The following RYR3 variants were observed in gnomAD, a reference collection of about 807,000 sequenced individuals.
RYR3 encodes the protein ryanodine receptor 3.
Under a neutral mutation model 584.3 loss-of-function variants are expected in RYR3, and 207 were observed. The observed-to-expected ratio is 0.35, with a 90% CI of 0.32 to 0.40. The LOEUF (loss-of-function observed/expected upper bound fraction) is 0.40, where lower values mean the gene tolerates loss of function less well. Ranked by LOEUF, RYR3 falls within the 10% of genes least tolerant of loss-of-function variation. RYR3 has a pLI of 1.00. For missense variants in RYR3, 5,616 were observed against 6,089.2 expected (o/e 0.92, Z 2.59); for synonymous variants, 2,416 against 2,248.5 (o/e 1.07, Z -2.11).
chr15:33,826,123 A>C, intron 82 of RYR3, 129 bp from the exon 83 acceptor site: 1 of 858,784 alleles, frequency 1.2e-6, no homozygotes, highest in Non-Finnish European at 1.9e-6. Context: ...AAATGCTTCC[A>C]TCGGTAGCTT....
At chr15:33,430,262 C>A (rs79506235) in intron 1 of RYR3, among the ~76,000 whole-genome samples, 3 of 152,156 alleles carry the variant, frequency 2.0e-5, no homozygotes, top group African/African-American at 4.8e-5. Flanking sequence ...GCTTAGGATC[C>A]GAACTCCCTG....
intron 100 of RYR3, 59 bp from the exon 101 acceptor site, chr15:33,860,536 C>A: frequency 2.0e-6 from 2 of 983,218 alleles, no homozygotes; most frequent in Non-Finnish European, 1.5e-6. Context: ...CTTCCTTTAT[C>A]ATTCCTCTAC....
At position 33,311,729 on chromosome 15, in the gene RYR3, T is replaced by TCCTGGCTCC. The variant is rs1373767345; in HGVS notation, c.51+634_51+635insCTGGCTCCC. Among the ~76,000 whole-genome samples the TCCTGGCTCC allele has an allele frequency of 1.3e-5, 2 of 152,216 alleles. No homozygotes were observed. The highest frequency in any genetic ancestry group is 2.9e-5 in the Non-Finnish European group (2 of 68,034). On this transcript the variant is annotated intron_variant, in intron 1 of 103. Transcript: ENST00000634891. This position sits in a 1 kb window ranked among gnomAD's most constrained non-coding sequence, Gnocchi z 4.4. ...ACTTGACTGACTGCCTGTCGTGTGT[T>TCCTGGCTCC]CGAGAGCTGTGGCTTCTGCTCCTGG...
chr15:33,465,989 T>G (rs2048457775), intron 1 of RYR3, among the ~76,000 whole-genome samples: 1 of 152,116 alleles, frequency 6.6e-6, no homozygotes. Flanking sequence ...AAAGAACATA[T>G]GTGGGGAGAT....
intron 1 of RYR3, among the ~76,000 whole-genome samples, chr15:33,338,225 G>A (rs1333693479): frequency 2.0e-5 from 3 of 152,100 alleles, no homozygotes; most frequent in African/African-American, 4.8e-5. Flanking sequence ...GATTACAGGC[G>A]TGAGCCACCG....
chr15:33,810,807 G>A (rs900080049), intron 71 of RYR3, 158 bp downstream of exon 71: 8 of 1,087,850 alleles, frequency 7.4e-6, no homozygotes, highest in Middle Eastern at 2.1e-4. Context: ...TTTAAAACTG[G>A]TTTGGAAGTC....
intron 21 of RYR3, among the ~76,000 whole-genome samples, chr15:33,628,817 G>GA (rs927443148): frequency 1.3e-5 from 2 of 152,082 alleles, no homozygotes; most frequent in African/African-American, 2.4e-5. Flanking sequence ...CTCTCCTTCA[G>GA]AAAAAAAGTT....
chr15:33,823,631 T>A (rs2077222623), intron 81 of RYR3, among the ~76,000 whole-genome samples: 1 of 152,176 alleles, frequency 6.6e-6, no homozygotes, highest in South Asian at 2.1e-4. Flanking sequence ...CTTTGAACTT[T>A]CCATTCATAT....
In RYR3 at chr15:33,633,128, G is replaced by C. The variant is rs1436130021; in HGVS notation, c.3027+20G>C. ...CAACAGGTAAGAAATTCTGGGTCAG[G>C]CATGCTGGAAAACTTAGAAGATATG... is the stretch of plus-strand genomic sequence containing the variant. On this transcript the variant is annotated intron_variant, in intron 24 of 103. Coordinates refer to ENST00000634891, the MANE Select transcript of RYR3 (RefSeq NM_001036.6). 6.2e-7 allele frequency: 1 copy of C among 1,608,932 alleles called. No homozygotes were observed. Among genetic ancestry groups the C allele is most frequent in the Non-Finnish European group, 8.5e-7 (1 of 1,176,812 alleles).
At position 33,662,824 on chromosome 15, in the gene RYR3, G is replaced by C; in HGVS notation, c.5294G>C (p.Gly1765Ala). The C allele has an allele frequency of 6.2e-7, 1 of 1,613,952 alleles. No homozygotes were observed. ...GAGCATAGTGCGGGGACAGAGGAGG[G>C]AGCAGAAAAGGAGGAAGTGACCCAG... Reference protein sequence around the residue: ...FGEHSAGTEEGAEKEEVTQVE... With the variant: ...FGEHSAGTEEAAEKEEVTQVE... The change falls in exon 35 of 104, where the codon GGA becomes GCA. Residue 1765 changes from glycine to alanine, a missense_variant. Physicochemically the swap from Gly to Ala is moderately conservative, Grantham distance 60 (BLOSUM62 0). Around this residue, in one of 9 missense-constraint regions of RYR3, gnomAD observed 753 missense variants for 741.0 expected, o/e 1.02. Transcript: ENST00000634891.
At chr15:33,658,837 A>G (rs1350733426) in intron 32 of RYR3, among the ~76,000 whole-genome samples, 1 of 152,212 alleles carries the variant, frequency 6.6e-6, no homozygotes, top group African/African-American at 2.4e-5. Flanking sequence ...CTGCAGCACA[A>G]TCAGTAAATG....
At chr15:33,361,479 A>G (rs1321214210) in intron 1 of RYR3, among the ~76,000 whole-genome samples, 1 of 152,228 alleles carries the variant, frequency 6.6e-6, no homozygotes, top group Non-Finnish European at 1.5e-5. Flanking sequence ...ATAAAGGAAG[A>G]GAATGAGGAA....
chr15:33,559,020 A>G (rs934506317), intron 10 of RYR3, among the ~76,000 whole-genome samples: 1 of 152,180 alleles, frequency 6.6e-6, no homozygotes, highest in African/African-American at 2.4e-5. Context: ...GCTCTGGAGC[A>G]TGGGAGTTGC....
intron 27 of RYR3, among the ~76,000 whole-genome samples, chr15:33,641,310 TC>T (rs1282225614): frequency 3.9e-5 from 6 of 152,242 alleles, no homozygotes; most frequent in Non-Finnish European, 1.5e-5. Context: ...CAGTCCACTT[TC>T]TAGGTCTCAG....
intron 2 of RYR3, among the ~76,000 whole-genome samples, chr15:33,491,629 T>C (rs1424250698): frequency 6.6e-6 from 1 of 152,234 alleles, no homozygotes; most frequent in Non-Finnish European, 1.5e-5. Flanking sequence ...TAATTTGTCA[T>C]GCAGCACCCC....
rs748714655 is a variant in RYR3, at chr15:33,773,511, A to G, written c.9056-23A>G. 13 of 1,552,350 alleles carry G rather than the reference A, an allele frequency of 8.4e-6. No individual in the cohort carries two copies. The East Asian group carries it at 1.4e-4, about 16-fold the overall frequency. On this transcript the variant is annotated intron_variant, in intron 63 of 103. Transcript: ENST00000634891. ...CTGTATTCAGGATTGATGCAAATCA[A>G]TGATATTTCTTCTTTGTTTCAGTGG...
At position 33,613,328 on chromosome 15, in the gene RYR3, C is replaced by T; in HGVS notation, c.2310C>T (p.Asn770=). 6.2e-7 allele frequency: 1 copy of T among 1,613,416 alleles called. No individual in the cohort carries two copies. ...TGCAGGGGATGTTTGAGAACTTCAA[C>T]ACAGACGGGCTCTTCTTCCCTGTGA... The part of the protein sequence containing the change: ...QPVQGMFENF[N]TDGLFFPVMS... Residue 770 remains asparagine (N), a synonymous_variant, in exon 19 of 104, where the codon AAC becomes AAT. Coordinates refer to ENST00000634891, the MANE Select transcript of RYR3 (RefSeq NM_001036.6).
intron 1 of RYR3, among the ~76,000 whole-genome samples, chr15:33,432,668 T>TTTTGTGTGTGTGTGTGTGTGTGTGTG (rs1555469374): frequency 1.5e-5 from 2 of 132,142 alleles, no homozygotes; most frequent in African/African-American, 6.3e-5. Flanking sequence ...GCCTAGCTAA[T>TTTTGTGTGTGTGTGTGTGTGTGTGTG]TGTGTGTGTG....
Position 33,670,555 on chromosome 15 carries a change from C to T in RYR3, c.5859C>T (p.Pro1953=), listed in dbSNP as rs368964215. ...CGACGGAGGAGGAGGAGAGATGCCC[C>T]AGTAAGTGACATTGCCTTTAAATGA... ...EQPTEEEERC[P]TTLKELISQT... The change falls in exon 38 of 104, where the codon CCC becomes CCT. Residue 1953 remains proline (P), a splice_region_variant and synonymous_variant. Coordinates refer to ENST00000634891, the MANE Select transcript of RYR3 (RefSeq NM_001036.6). The T allele has an allele frequency of 4.7e-5, 73 of 1,563,730 alleles. No individual in the cohort carries two copies. The highest frequency in any genetic ancestry group is 6.0e-5 in the Non-Finnish European group (70 of 1,162,338).
Sources: gnomAD v4.1 joint callset for allele counts (sites outside exome capture counted in the v4.1 genomes callset) on GRCh38, gnomAD v4.1.1 for gene constraint, gnomAD v4.1.1 regional missense constraint, Gnocchi (gnomAD v3.1) non-coding constraint, MANE v1.5 for transcripts, NCBI Gene and HGNC (gene_info 2026-07-23, HGNC 2026-07-21) for gene names.